The following MALRD1 variants were observed in gnomAD, a reference collection of about 807,000 sequenced individuals.
MALRD1 encodes the protein MAM and LDL-receptor class A domain-containing protein 1.
In MALRD1, 247 loss-of-function variants were observed where a neutral mutation model predicts 242.1. The ratio of observed to expected loss-of-function variants is 1.02; its 90% CI spans 0.92 to 1.13. MALRD1 has a LOEUF of 1.13. Ranked by LOEUF, MALRD1 falls within the 50% of genes most tolerant of loss-of-function variation. MALRD1 has a pLI of 0.00. For missense variants in MALRD1, 2,989 were observed against 2,533.1 expected (o/e 1.18, Z -3.86); for synonymous variants, 995 against 866.6 (o/e 1.15, Z -2.60).
chr10:19,723,635 A>G (rs1834877240), intron 38 of MALRD1, among the ~76,000 whole-genome samples: 3 of 152,036 alleles, frequency 2.0e-5, no homozygotes, highest in South Asian at 2.1e-4. Context: ...CCAGCAACTC[A>G]GGAGACCAAG....
chr10:19,460,088 C>A (rs10764020), intron 29 of MALRD1, among the ~76,000 whole-genome samples: 123,808 of 151,956 alleles, frequency 0.81, 50,622 homozygotes, highest in East Asian at 1. Flanking sequence ...ATGGTGTTTC[C>A]ATTTTTACTG....
intron 2 of MALRD1, 68 bp from the exon 3 acceptor site, chr10:19,087,772 C>A: frequency 1.4e-6 from 1 of 692,388 alleles, no homozygotes; most frequent in Non-Finnish European, 2.0e-6. Context: ...TCCCATTTTG[C>A]TATCAAATAG....
intron 14 of MALRD1, among the ~76,000 whole-genome samples, chr10:19,184,540 GTTGTTGTT>G (rs994179727): frequency 3.6e-4 from 50 of 139,478 alleles, no homozygotes; most frequent in African/African-American, 1.2e-3. Flanking sequence ...TTTTGTAGTT[GTTGTTGTT>G]TTGTTTTGTT....
rs147894376 is a variant in MALRD1, at chr10:19,388,066, A to G, written c.4687+293A>G. Among the ~76,000 whole-genome samples the G allele has an allele frequency of 5.5e-3, 835 of 152,260 alleles. 8 individuals are homozygous for G. The highest frequency in any genetic ancestry group is 8.8e-3 in the Non-Finnish European group (599 of 68,020). On this transcript the variant is annotated intron_variant, in intron 27 of 39. Transcript: ENST00000454679. The stretch of plus-strand genomic sequence containing the variant: ...GTTGTGAGGGAGCATGATCTCTTCC[A>G]TGTCCCCTCTTAGATTCTGGTAGTT...
intron 36 of MALRD1, among the ~76,000 whole-genome samples, chr10:19,625,021 C>T (rs1467079728): frequency 6.6e-6 from 1 of 151,326 alleles, no homozygotes; most frequent in African/African-American, 2.4e-5. Flanking sequence ...CGCAATACTG[C>T]ACTTTAGCTT....
At chr10:19,260,642 G>A (rs1024268853) in intron 19 of MALRD1, among the ~76,000 whole-genome samples, 21 of 152,100 alleles carry the variant, frequency 1.4e-4, no homozygotes, top group African/African-American at 4.3e-4. Flanking sequence ...CCATTCTTAC[G>A]TATTTTATTT....
chr10:19,435,231 T>G (rs1834305833), intron 28 of MALRD1, among the ~76,000 whole-genome samples: 2 of 152,052 alleles, frequency 1.3e-5, no homozygotes, highest in Admixed American at 1.3e-4. Context: ...TAGAACAGTT[T>G]CAGATTGAGG....
intron 38 of MALRD1, among the ~76,000 whole-genome samples, chr10:19,716,086 A>C (rs917564471): frequency 2.6e-5 from 4 of 152,048 alleles, no homozygotes; most frequent in African/African-American, 9.7e-5. Context: ...ACTAAAACAA[A>C]CCTTTAGTGA....
intron 32 of MALRD1, 24 bp downstream of exon 32, chr10:19,531,375 A>T (rs1255482708): frequency 4.0e-6 from 6 of 1,506,184 alleles, no homozygotes; most frequent in South Asian, 1.3e-5. Flanking sequence ...CCAGAGATTT[A>T]TGATCACTGA....
intron 19 of MALRD1, among the ~76,000 whole-genome samples, chr10:19,270,336 T>TCTCA (rs1366865915): frequency 0.011 from 1,382 of 130,924 alleles, 8 homozygotes; most frequent in Non-Finnish European, 0.015. Context: ...TCTCTCTCTC[T>TCTCA]CACACACACA....
intron 18 of MALRD1, among the ~76,000 whole-genome samples, chr10:19,237,617 T>TATA (rs1355482087): frequency 5.3e-5 from 3 of 56,806 alleles, no homozygotes; most frequent in Non-Finnish European, 9.0e-5. Flanking sequence ...TATAATTATA[T>TATA]AATTATATAA....
At chr10:19,390,375 A>G (rs1180139593) in intron 28 of MALRD1, among the ~76,000 whole-genome samples, 3 of 152,236 alleles carry the variant, frequency 2.0e-5, no homozygotes, top group South Asian at 4.1e-4. Flanking sequence ...AGGTATGATT[A>G]CATGAAACTG....
intron 5 of MALRD1, among the ~76,000 whole-genome samples, chr10:19,117,931 G>A (rs529221999): frequency 4.0e-4 from 60 of 151,500 alleles, no homozygotes; most frequent in South Asian, 2.1e-4. Flanking sequence ...TTAGATAGTC[G>A]TGTGATAGCG....
chr10:19,506,735 T>A (rs372275086), intron 31 of MALRD1, among the ~76,000 whole-genome samples: 127 of 152,312 alleles, frequency 8.3e-4, no homozygotes, highest in African/African-American at 2.9e-3. Context: ...GAAGTCATTA[T>A]CTGATAAAAA....
chr10:19,454,405 G>GAGATATATATATATATATATATAT (rs1554775338), intron 29 of MALRD1, among the ~76,000 whole-genome samples: 2 of 80,528 alleles, frequency 2.5e-5, no homozygotes, highest in African/African-American at 1.1e-4. Flanking sequence ...TTATGCATAT[G>GAGATATATATATATATATATATAT]ATATATATAT....
At chr10:19,633,502 C>A (rs78858698) in intron 36 of MALRD1, among the ~76,000 whole-genome samples, 3,983 of 152,180 alleles carry the variant, frequency 0.026, 163 homozygotes, top group African/African-American at 0.088. Flanking sequence ...CCACTTCTCC[C>A]CTTAGAAGTG....
At chr10:19,326,234 C>T (rs1294808553) in intron 22 of MALRD1, among the ~76,000 whole-genome samples, 7 of 151,910 alleles carry the variant, frequency 4.6e-5, no homozygotes, top group Admixed American at 2.6e-4. Context: ...GTAAGATTTT[C>T]GTCAGTAAAA....
intron 2 of MALRD1, among the ~76,000 whole-genome samples, chr10:19,080,254 A>T (rs964749633): frequency 4.6e-5 from 7 of 151,990 alleles, no homozygotes; most frequent in African/African-American, 1.4e-4. Flanking sequence ...TCTTCACAAA[A>T]TTGGAAGGAA....
At chr10:19,416,957 T>C (rs1362785645) in intron 28 of MALRD1, among the ~76,000 whole-genome samples, 2 of 152,228 alleles carry the variant, frequency 1.3e-5, no homozygotes, top group South Asian at 2.1e-4. Context: ...CAACAGGTGA[T>C]GAACACTTCG....
Sources: allele counts gnomAD v4.1 joint callset (sites outside exome capture counted in the v4.1 genomes callset), GRCh38; gene constraint gnomAD v4.1.1; transcripts MANE v1.5; gene names NCBI Gene and HGNC (gene_info 2026-07-23, HGNC 2026-07-21).